TBC1D5: variants seen among roughly 807,000 people sequenced by gnomAD.
The protein encoded by TBC1D5 is TBC1 domain family, member 5.
Under a neutral mutation model 100.3 loss-of-function variants are expected in TBC1D5, and 75 were observed. That is an observed-to-expected ratio of 0.75 (90% CI 0.62 to 0.91). TBC1D5 has a LOEUF of 0.91. Ranked by LOEUF, TBC1D5 falls within the 40% of genes least tolerant of loss-of-function variation. The probability of loss-of-function intolerance (pLI) is 0.00; values close to 1 mark genes in which losing one functional copy is unlikely to be tolerated. For missense variants in TBC1D5, 910 were observed against 942.4 expected (o/e 0.97, Z 0.45); for synonymous variants, 323 against 325.6 (o/e 0.99, Z 0.09).
chr3:17,645,320 T>C (rs1368420777), intron 1 of TBC1D5, among the ~76,000 whole-genome samples: 2 of 152,076 alleles, frequency 1.3e-5, no homozygotes, highest in Non-Finnish European at 2.9e-5. Flanking sequence ...GAACAGGCTA[T>C]AGGCAAGAAA....
intron 1 of TBC1D5, among the ~76,000 whole-genome samples, chr3:17,652,400 T>C (rs2065663916): frequency 6.6e-6 from 1 of 152,160 alleles, no homozygotes; most frequent in African/African-American, 2.4e-5. Context: ...TGAAGAAATA[T>C]TTAAAAGTAT....
chr3:17,668,043 A>G (rs2153771538), intron 1 of TBC1D5, among the ~76,000 whole-genome samples: 1 of 151,406 alleles, frequency 6.6e-6, no homozygotes, highest in Middle Eastern at 3.4e-3. Context: ...AAAAGTAACA[A>G]CATTCTACAT....
At chr3:17,453,617 C>T (rs935875046) in intron 3 of TBC1D5, among the ~76,000 whole-genome samples, 5 of 152,064 alleles carry the variant, frequency 3.3e-5, no homozygotes, top group African/African-American at 4.8e-5. Flanking sequence ...AAATCCAAAA[C>T]CTGAACAGAC....
At chr3:17,438,124 T>C (rs1001906275) in intron 3 of TBC1D5, among the ~76,000 whole-genome samples, 1 of 152,198 alleles carries the variant, frequency 6.6e-6, no homozygotes, top group Admixed American at 6.5e-5. Context: ...ACAGACCACC[T>C]GGATCTCAAA....
chr3:17,543,593 GTGCCACTGCTTT>G (rs1202959634), intron 2 of TBC1D5, among the ~76,000 whole-genome samples: 1 of 152,086 alleles, frequency 6.6e-6, no homozygotes, highest in Non-Finnish European at 1.5e-5. Context: ...AGTCATGCTT[GTGCCACTGCTTT>G]CCAGCCTGGG....
In TBC1D5 at chr3:17,456,342, A is replaced by C. The variant is rs529096290; in HGVS notation, c.98-27823T>G. Among the ~76,000 whole-genome samples the C allele has an allele frequency of 2.0e-5, 3 of 152,310 alleles. No homozygotes were observed. The East Asian group carries it at 5.8e-4, about 29-fold the overall frequency. On this transcript the variant is annotated intron_variant, in intron 3 of 21. Transcript: ENST00000253692. ...AAATATTCTGTGTAGTAATAGAAAAAATGAACAAAGTGAAGACATAAGCCA... is the reference window on the plus strand; with the variant it reads ...AAATATTCTGTGTAGTAATAGAAAACATGAACAAAGTGAAGACATAAGCCA...
At chr3:17,600,708 A>C (rs1354431227) in intron 2 of TBC1D5, among the ~76,000 whole-genome samples, 7 of 152,160 alleles carry the variant, frequency 4.6e-5, no homozygotes, top group Non-Finnish European at 1.0e-4. Context: ...CTTTAAGTTT[A>C]ATATTTTCTA....
chr3:17,567,747 A>G (rs1055381919), intron 2 of TBC1D5, among the ~76,000 whole-genome samples: 2 of 151,724 alleles, frequency 1.3e-5, no homozygotes, highest in African/African-American at 4.8e-5. Context: ...TAAATATAAA[A>G]TGTATATACA....
At chr3:17,422,346 G>GTTTTTTTTTTTTTTT (rs200102244) in intron 4 of TBC1D5, among the ~76,000 whole-genome samples, 1 of 147,122 alleles carries the variant, frequency 6.8e-6, no homozygotes, top group African/African-American at 2.6e-5. Context: ...TTTGTTTTTT[G>GTTTTTTTTTTTTTTT]TTTTTTTGTT....
intron 18 of TBC1D5, among the ~76,000 whole-genome samples, chr3:17,207,230 A>G (rs2072328981): frequency 6.6e-6 from 1 of 152,260 alleles, no homozygotes; most frequent in Admixed American, 6.5e-5. Flanking sequence ...TTTGGCAACA[A>G]TCATAGAACA....
At chr3:17,494,736 C>T (rs955082320) in intron 3 of TBC1D5, among the ~76,000 whole-genome samples, 5 of 152,208 alleles carry the variant, frequency 3.3e-5, no homozygotes, top group African/African-American at 1.2e-4. Flanking sequence ...CTCCCTGGCA[C>T]CATCGGGGAA....
At chr3:17,477,450 C>T (rs1353781433) in intron 3 of TBC1D5, among the ~76,000 whole-genome samples, 1 of 151,930 alleles carries the variant, frequency 6.6e-6, no homozygotes, top group African/African-American at 2.4e-5. Context: ...TTTATGTTTT[C>T]TAGAAATCAT....
At chr3:17,649,165 C>A (rs1165358538) in intron 1 of TBC1D5, among the ~76,000 whole-genome samples, 2 of 152,114 alleles carry the variant, frequency 1.3e-5, no homozygotes, top group Non-Finnish European at 2.9e-5. Context: ...AGAATGAGAT[C>A]ATGTCTTTTG....
chr3:17,344,988 A>T (rs1575444221), intron 13 of TBC1D5, among the ~76,000 whole-genome samples: 1 of 152,344 alleles, frequency 6.6e-6, no homozygotes, highest in East Asian at 1.9e-4. Flanking sequence ...AGGCATTACC[A>T]TTCACAGGAC....
intron 17 of TBC1D5, among the ~76,000 whole-genome samples, chr3:17,216,526 T>C (rs1009933573): frequency 7.9e-5 from 12 of 152,132 alleles, no homozygotes; most frequent in Non-Finnish European, 1.6e-4. Context: ...TAATGCATGA[T>C]ATTGGAGCTG....
chr3:17,671,770 A>T (rs2067973877), intron 1 of TBC1D5, among the ~76,000 whole-genome samples: 1 of 152,178 alleles, frequency 6.6e-6, no homozygotes, highest in Non-Finnish European at 1.5e-5. Context: ...TACATCCTAA[A>T]TCTATTTTTG....
At chr3:17,490,900 A>T (rs1384998998) in intron 3 of TBC1D5, among the ~76,000 whole-genome samples, 1 of 152,236 alleles carries the variant, frequency 6.6e-6, no homozygotes, top group Non-Finnish European at 1.5e-5. Context: ...TACTTTCAGC[A>T]GTATGGCCAT....
At chr3:17,637,188 A>G (rs571238133) in intron 1 of TBC1D5, among the ~76,000 whole-genome samples, 1 of 95,482 alleles carries the variant, frequency 1.0e-5, no homozygotes, top group East Asian at 3.2e-4. Context: ...TGCCCGACTA[A>G]TTTTTTTTTT....
chr3:17,349,091 T>C (rs1207518257), intron 13 of TBC1D5, among the ~76,000 whole-genome samples: 1 of 152,174 alleles, frequency 6.6e-6, no homozygotes. Context: ...ATGGAAATTA[T>C]CCAAAACTGA....
Sources: allele counts gnomAD v4.1 joint callset (sites outside exome capture counted in the v4.1 genomes callset), GRCh38; gene constraint gnomAD v4.1.1; transcripts MANE v1.5; gene names NCBI Gene and HGNC (gene_info 2026-07-23, HGNC 2026-07-21).